Variants in ME3 observed in about 807,000 individuals in gnomAD.
ME3 encodes NADP-dependent malic enzyme, mitochondrial.
ME3 carries 48 observed loss-of-function variants against 68.9 expected under a neutral mutation model. The observed-to-expected ratio is 0.70, with a 90% CI of 0.55 to 0.89. The LOEUF (loss-of-function observed/expected upper bound fraction) is 0.89, where lower values mean the gene tolerates loss of function less well. Ranked by LOEUF, ME3 falls within the 40% of genes least tolerant of loss-of-function variation. The pLI is 0.00. For synonymous variants in ME3, 320 were observed against 318.8 expected (o/e 1.00, Z -0.04); for missense variants, 675 against 797.4 (o/e 0.85, Z 1.85).
chr11:86,437,769 A>G (rs1349947089), downstream of ME3, among the ~76,000 whole-genome samples: 5 of 152,198 alleles, frequency 3.3e-5, no homozygotes, highest in African/African-American at 1.2e-4. Context: ...TGCTGCCAGC[A>G]TATAGAAATA....
At chr11:86,601,045 A>G (rs911319768) in intron 2 of ME3, among the ~76,000 whole-genome samples, 23 of 152,140 alleles carry the variant, frequency 1.5e-4, no homozygotes, top group Non-Finnish European at 2.2e-4. Context: ...GAAAAGAACT[A>G]GAAAAGGAAG....
chr11:86,611,153 C>T (rs1000754762), intron 2 of ME3, among the ~76,000 whole-genome samples: 4 of 152,112 alleles, frequency 2.6e-5, no homozygotes, highest in Non-Finnish European at 5.9e-5. Flanking sequence ...CATAGAAAGA[C>T]AAATGCTGCA....
At chr11:86,624,285 C>G (rs2135282754) in intron 2 of ME3, among the ~76,000 whole-genome samples, 1 of 152,340 alleles carries the variant, frequency 6.6e-6, no homozygotes, top group East Asian at 1.9e-4. Flanking sequence ...ACCTCCTATT[C>G]CCTATTTCTC....
intron 7 of ME3, among the ~76,000 whole-genome samples, chr11:86,480,930 C>CTT (rs1438709340): frequency 6.6e-6 from 1 of 152,170 alleles, no homozygotes; most frequent in Admixed American, 6.5e-5. Flanking sequence ...TGGAAAGTCT[C>CTT]TGTGTATTGG....
In ME3 at chr11:86,521,408, C is replaced by CA. The variant is rs1376449863; in HGVS notation, c.468-12542dup. ...AGACTCCATCTCAAAAACAAACAAACAAAACAAAACAAAACAAAACAAAAA... is the reference window on the plus strand; with the variant it reads ...AGACTCCATCTCAAAAACAAACAAACAAAAACAAAACAAAACAAAACAAAAA... On this transcript the variant is annotated intron_variant, in intron 4 of 14. Coordinates refer to ENST00000543262, the Ensembl canonical transcript of ME3. 1.0e-3 allele frequency among the ~76,000 whole-genome samples: 93 copies of CA among 88,586 alleles called. 4 individuals carry two copies. Among genetic ancestry groups the CA allele is most frequent in the Middle Eastern group, 5.5e-3 (1 of 182 alleles). 58.1% of individuals were successfully genotyped at this position (88,586 alleles called of 152,430 possible). A position where few individuals can be genotyped will look rare whatever the true frequency, so the allele number is the denominator to read the frequency against.
chr11:86,565,511 A>T (rs953542897), intron 2 of ME3, among the ~76,000 whole-genome samples: 1 of 152,226 alleles, frequency 6.6e-6, no homozygotes. Flanking sequence ...GATGAACAAA[A>T]TGTATATACA....
intron 3 of ME3, among the ~76,000 whole-genome samples, chr11:86,558,665 G>A (rs1305086116): frequency 6.6e-6 from 1 of 152,170 alleles, no homozygotes; most frequent in African/African-American, 2.4e-5. Context: ...TAGTTTGTTT[G>A]TTCTAAGAGG....
At chr11:86,564,682 A>G (rs75943380) in intron 2 of ME3, among the ~76,000 whole-genome samples, 4,087 of 152,260 alleles carry the variant, frequency 0.027, 174 homozygotes, top group African/African-American at 0.093. Context: ...CCTAACTCAC[A>G]TTATACACAA....
chr11:86,547,726 T>C (rs1353306952), intron 4 of ME3, among the ~76,000 whole-genome samples: 1 of 152,196 alleles, frequency 6.6e-6, no homozygotes, highest in Non-Finnish European at 1.5e-5. Context: ...GAACATTTAG[T>C]GCATTGTACA....
At chr11:86,553,693 C>G (rs1956800553) in intron 4 of ME3, among the ~76,000 whole-genome samples, 1 of 152,196 alleles carries the variant, frequency 6.6e-6, no homozygotes, top group Non-Finnish European at 1.5e-5. Context: ...ATGGTTAAGT[C>G]TGCCCAAGCC....
At chr11:86,625,048 T>C (rs1488320895) in intron 2 of ME3, among the ~76,000 whole-genome samples, 1 of 152,236 alleles carries the variant, frequency 6.6e-6, no homozygotes, top group Non-Finnish European at 1.5e-5. Flanking sequence ...CATGTTCAAA[T>C]TTGCTAGAAG....
chr11:86,590,903 G>C (rs372852297), intron 2 of ME3, among the ~76,000 whole-genome samples: 2 of 152,190 alleles, frequency 1.3e-5, no homozygotes, highest in Non-Finnish European at 2.9e-5. Context: ...CATAGTTCAC[G>C]TGAAGGAAGA....
At chr11:86,565,422 A>G (rs114856858) in intron 2 of ME3, among the ~76,000 whole-genome samples, 2,684 of 152,350 alleles carry the variant, frequency 0.018, 85 homozygotes, top group African/African-American at 0.059. Flanking sequence ...ACGAATGATT[A>G]TATGTCAGTG....
intron 2 of ME3, among the ~76,000 whole-genome samples, chr11:86,652,169 T>G (rs1027204703): frequency 9.8e-4 from 149 of 152,284 alleles, no homozygotes; most frequent in South Asian, 1.7e-3. Context: ...GAAAACACTC[T>G]GCAGGATATT....
chr11:86,457,771 A>G (rs189168485), intron 8 of ME3: 67 of 1,269,968 alleles, frequency 5.3e-5, no homozygotes, highest in Non-Finnish European at 6.1e-5. Flanking sequence ...TATTCATGGT[A>G]AAAGAAAAAG....
At chr11:86,614,519 A>T (rs1176257478) in intron 2 of ME3, among the ~76,000 whole-genome samples, 1 of 152,084 alleles carries the variant, frequency 6.6e-6, no homozygotes, top group African/African-American at 2.4e-5. Context: ...TGGGCTCTCA[A>T]TGGATCAAAC....
At chr11:86,462,483 T>C in intron 8 of ME3, 1 of 886,390 alleles carries the variant, frequency 1.1e-6, no homozygotes. Context: ...CCACCACCTT[T>C]GTTCAAGGGT....
intron 2 of ME3, among the ~76,000 whole-genome samples, chr11:86,580,199 C>T (rs573606161): frequency 1.3e-5 from 2 of 152,292 alleles, no homozygotes; most frequent in South Asian, 4.1e-4. Flanking sequence ...GCAAGTGTGG[C>T]TCTGCTGTTC....
At chr11:86,625,417 A>G (rs1004456952) in intron 2 of ME3, among the ~76,000 whole-genome samples, 6 of 152,218 alleles carry the variant, frequency 3.9e-5, no homozygotes, top group South Asian at 2.1e-4. Context: ...CAGTGCCTCA[A>G]TTACATAATC....
Sources: allele counts gnomAD v4.1 joint callset (sites outside exome capture counted in the v4.1 genomes callset), GRCh38; gene constraint gnomAD v4.1.1; transcripts MANE v1.5; gene names NCBI Gene and HGNC (gene_info 2026-07-23, HGNC 2026-07-21).